The following FGB variants were observed in gnomAD, a reference collection of about 807,000 sequenced individuals.
FGB encodes beta-fibrinogen.
A neutral mutation model predicts 57.9 loss-of-function variants in FGB; 25 were observed. The observed-to-expected ratio is 0.43, with a 90% CI of 0.31 to 0.60. The LOEUF (loss-of-function observed/expected upper bound fraction) is 0.60. FGB is among the 20% of genes least tolerant of loss of function. The pLI is 0.08. For missense variants in FGB, 536 were observed against 598.4 expected (o/e 0.90, Z 1.09); for synonymous variants, 203 against 199.2 (o/e 1.02, Z -0.16).
In FGB at chr4:154,565,819, T is replaced by G; in HGVS notation, c.126T>G (p.Ser42Arg). 2 of 1,614,208 alleles carry G rather than the reference T, an allele frequency of 1.2e-6. No homozygotes were observed. The highest frequency in any genetic ancestry group is 1.7e-6 in the Non-Finnish European group (2 of 1,180,018). The change falls in exon 2 of 8, where the codon AGT (serine) becomes AGG (arginine). Residue 42 changes from serine (S) to arginine (R), a missense_variant. Ser to Arg is a moderately radical substitution (Grantham distance 110). Transcript: ENST00000302068. Reference sequence around the variant, plus strand: ...CTCATTCCTTGTAGGGTTTCTTCAGTGCCCGTGGTCATCGACCCCTTGACA... The same window carrying G: ...CTCATTCCTTGTAGGGTTTCTTCAGGGCCCGTGGTCATCGACCCCTTGACA... Reference protein sequence around the residue: ...GVNDNEEGFFSARGHRPLDKK... With the variant: ...GVNDNEEGFFRARGHRPLDKK...
intron 6 of FGB, 24 bp from the exon 7 acceptor site, chr4:154,569,490 G>C: frequency 6.2e-7 from 1 of 1,602,488 alleles, no homozygotes; most frequent in Non-Finnish European, 8.5e-7. Context: ...TTTTTGGTGA[G>C]ATTTTATTTT....
intron 5 of FGB, 86 bp from the exon 6 acceptor site, chr4:154,569,096 A>T: frequency 7.2e-7 from 1 of 1,397,068 alleles, no homozygotes; most frequent in Non-Finnish European, 1.0e-6. Context: ...ACTAAATGGA[A>T]TGGACAGGGG....
chr4:154,565,643 C>CAGTAA lies in FGB; in HGVS notation c.115-164_115-160dup, dbSNP rs886132043. 8.2e-5 allele frequency: 56 copies of CAGTAA among 679,802 alleles called. No homozygotes were observed. The African/African-American group carries it at 8.7e-4, about 11-fold the overall frequency. 42.1% of individuals were successfully genotyped at this position (679,802 alleles called of 1,614,324 possible). ...AGTTGGTCTTTCTACTGTTACTGAA[C>CAGTAA]AGTAAGCAACCTACAGATTCACTAT... On this transcript the variant is annotated intron_variant, in intron 1 of 7. Transcript: ENST00000302068.
At chr4:154,569,156 G>A (rs1730302510) in intron 5 of FGB, 26 bp from the exon 6 acceptor site, 1 of 1,613,444 alleles carries the variant, frequency 6.2e-7, no homozygotes, top group East Asian at 2.2e-5. Context: ...GTTAATATAT[G>A]CTCTTTTTGT....
At position 154,569,588 on chromosome 4, in the gene FGB, G is replaced by A; in HGVS notation, c.1033G>A (p.Glu345Lys). 6.2e-7 allele frequency: 1 copy of A among 1,614,140 alleles called. No individual in the cohort carries two copies. Among genetic ancestry groups the A allele is most frequent in the Non-Finnish European group, 8.5e-7 (1 of 1,180,006 alleles). The change falls in exon 7 of 8, where the codon GAG (glutamate) becomes AAG (lysine). Residue 345 changes from glutamate to lysine, a missense_variant. This residue lies in a region of FGB where 177 missense variants were observed against 193.7 expected (regional missense o/e 0.91). Coordinates refer to ENST00000302068, the MANE Select transcript of FGB (RefSeq NM_005141.5). Reference sequence around the variant, plus strand: ...ACCCACAGAACTTTTGATAGAAATGGAGGACTGGAAAGGAGACAAAGTAAA... The same window carrying A: ...ACCCACAGAACTTTTGATAGAAATGAAGGACTGGAAAGGAGACAAAGTAAA... ...MGPTELLIEM[E>K]DWKGDKVKAH...
rs778641259 is a variant in FGB at position 154,572,483 on chromosome 4, C to T, written c.*1833C>T. 1.3e-5 allele frequency among the ~76,000 whole-genome samples: 2 copies of T among 152,186 alleles called. No homozygotes were observed. Among genetic ancestry groups the T allele is most frequent in the Non-Finnish European group, 1.5e-5 (1 of 68,026 alleles). On this transcript the variant is annotated 3_prime_UTR_variant, in exon 8 of 8. Coordinates refer to ENST00000302068, the MANE Select transcript of FGB (RefSeq NM_005141.5). ...TTTCTACTTAGCACTCTCCACTTAG[C>T]AACCTCCATTTAACCCAAAATAAAA... is the stretch of plus-strand genomic sequence containing the variant.
At chr4:154,565,771 A>G in intron 1 of FGB, 37 bp from the exon 2 acceptor site, 1 of 1,592,450 alleles carries the variant, frequency 6.3e-7, no homozygotes, top group Non-Finnish European at 8.6e-7. Context: ...AATCTTCTAT[A>G]ACACTCTGTA....
At chr4:154,566,406 G>A (rs796637077) in intron 2 of FGB, 83 bp from the exon 3 acceptor site, 35 of 1,285,392 alleles carry the variant, frequency 2.7e-5, no homozygotes, top group Admixed American at 2.0e-4. Context: ...TAATCGTATC[G>A]CTGAATTTTC....
At chr4:154,563,951 A>G (rs1374699507) in intron 1 of FGB, among the ~76,000 whole-genome samples, 1 of 151,972 alleles carries the variant, frequency 6.6e-6, no homozygotes, top group Non-Finnish European at 1.5e-5. Flanking sequence ...GAAGTGATTC[A>G]TTTCGGATCA....
At position 154,567,809 on chromosome 4, in the gene FGB, T is replaced by C. The variant is rs144336893; in HGVS notation, c.707T>C (p.Val236Ala). Reference sequence around the variant, plus strand: ...ACTGTCAGTTGCAATATTCCTGTGGTGTCTGGCAAAGGTAACTGATTCATA... The same window carrying C: ...ACTGTCAGTTGCAATATTCCTGTGGCGTCTGGCAAAGGTAACTGATTCATA... ...PCTVSCNIPV[V>A]SGKECEEIIR... Residue 236 changes from valine (V) to alanine (A), a missense_variant, in exon 4 of 8, where the codon GTG becomes GCG. This residue lies in a region of FGB where 354 missense variants were observed against 383.4 expected (regional missense o/e 0.92). Coordinates refer to ENST00000302068, the MANE Select transcript of FGB (RefSeq NM_005141.5). 3 of 1,611,980 alleles carry C rather than the reference T, an allele frequency of 1.9e-6. No homozygotes were observed. Among genetic ancestry groups the C allele is most frequent in the African/African-American group, 1.3e-5 (1 of 74,894 alleles).
chr4:154,563,787 G>GAC (rs1730044267), intron 1 of FGB, among the ~76,000 whole-genome samples: 1 of 151,860 alleles, frequency 6.6e-6, no homozygotes. Context: ...ACTTATTGCT[G>GAC]TTAATTTGCA....
At position 154,569,591 on chromosome 4, in the gene FGB, G is replaced by T; in HGVS notation, c.1036G>T (p.Asp346Tyr). Residue 346 changes from aspartate to tyrosine, a missense_variant, in exon 7 of 8, where the codon GAC (aspartate) becomes TAC (tyrosine). Physicochemically the swap from Asp to Tyr is radical, Grantham distance 160. Around this residue, in one of 3 missense-constraint regions of FGB, gnomAD observed 177 missense variants for 193.7 expected, o/e 0.91. Transcript: ENST00000302068. ...CACAGAACTTTTGATAGAAATGGAGGACTGGAAAGGAGACAAAGTAAAGGC... is the reference window on the plus strand; with the variant it reads ...CACAGAACTTTTGATAGAAATGGAGTACTGGAAAGGAGACAAAGTAAAGGC... The part of the protein sequence containing the change: ...GPTELLIEME[D>Y]WKGDKVKAHY... 6.2e-7 allele frequency: 1 copy of T among 1,614,094 alleles called. No individual in the cohort carries two copies. The highest frequency in any genetic ancestry group is 8.5e-7 in the Non-Finnish European group (1 of 1,179,980).
At chr4:154,565,109 C>T in intron 1 of FGB, 1 of 412,444 alleles carries the variant, frequency 2.4e-6, no homozygotes, top group Non-Finnish European at 5.0e-6. Context: ...TCTGAGGGTA[C>T]CATATGCAAT....
rs751805410 is a variant in FGB at position 154,567,736 on chromosome 4, T to C, written c.634T>C (p.Leu212=). ...AAACCTGAGAAGCAAAATACAAAAG[T>C]TAGAATCTGATGTCTCAGCTCAAAT... ...LENLRSKIQK[L]ESDVSAQMEY... is the part of the protein sequence containing the mutation. The change falls in exon 4 of 8, where the codon TTA becomes CTA. Residue 212 remains leucine, a synonymous_variant. Coordinates refer to ENST00000302068, the MANE Select transcript of FGB (RefSeq NM_005141.5). The C allele has an allele frequency of 3.7e-6, 6 of 1,614,006 alleles. No homozygotes were observed. In the Admixed American group the frequency reaches 1.0e-4, roughly 27 times the overall value.
rs1578785468 is a variant in FGB, at chr4:154,569,722, G to A, written c.1167G>A (p.Gln389=). 6.2e-7 allele frequency: 1 copy of A among 1,614,128 alleles called. No homozygotes were observed. The highest frequency in any genetic ancestry group is 8.5e-7 in the Non-Finnish European group (1 of 1,180,016). Residue 389 remains glutamine (Q), a synonymous_variant, in exon 7 of 8, where the codon CAG becomes CAA. Transcript: ENST00000302068. ...ATGCCCTCATGGATGGAGCATCTCA[G>A]CTGATGGGAGAAAACAGGACCATGA... The part of the protein sequence containing the change: ...AGNALMDGAS[Q]LMGENRTMTI...
chr4:154,568,699 C>T (rs1196264972), intron 5 of FGB, among the ~76,000 whole-genome samples: 1 of 45,500 alleles, frequency 2.2e-5, no homozygotes, highest in Admixed American at 2.7e-4. Flanking sequence ...AAAAAAAATA[C>T]CAAAAAAAAA....
chr4:154,570,863 GTA>G lies in FGB; in HGVS notation c.*216_*217del, dbSNP rs1343991469. ...TCTTGCTCACCAAGAAGTAACAAAA[GTA>G]TAGTTTTGACAGAGTTGGTGTTCAT... On this transcript the variant is annotated 3_prime_UTR_variant, in exon 8 of 8. Coordinates refer to ENST00000302068, the MANE Select transcript of FGB (RefSeq NM_005141.5). The G allele has an allele frequency of 5.1e-6, 3 of 586,524 alleles. No individual in the cohort carries two copies. The highest frequency in any genetic ancestry group is 9.2e-6 in the Non-Finnish European group (3 of 327,086). 36.3% of individuals were successfully genotyped at this position (586,524 alleles called of 1,614,324 possible).
chr4:154,570,651 TC>T lies in FGB; in HGVS notation c.*5del. The T allele has an allele frequency of 6.2e-7, 1 of 1,609,140 alleles. No individual in the cohort carries two copies. The highest frequency in any genetic ancestry group is 8.5e-7 in the Non-Finnish European group (1 of 1,175,516). On this transcript the variant is annotated 3_prime_UTR_variant, in exon 8 of 8. Coordinates refer to ENST00000302068, the MANE Select transcript of FGB (RefSeq NM_005141.5). ...CAGGCCCTTCTTCCCACAGCAATAG[TC>T]CCCAATACGTAGATTTTTGCTCTTC... is the stretch of plus-strand genomic sequence containing the variant.
intron 1 of FGB, among the ~76,000 whole-genome samples, chr4:154,565,005 AAATTCG>A (rs1001938593): frequency 1.3e-5 from 2 of 152,206 alleles, no homozygotes; most frequent in Non-Finnish European, 2.9e-5. Flanking sequence ...ACTAAAAGTG[AAATTCG>A]AAGTGGAGAG....
Sources: gnomAD v4.1 joint callset for allele counts (sites outside exome capture counted in the v4.1 genomes callset) on GRCh38, gnomAD v4.1.1 for gene constraint, gnomAD v4.1.1 regional missense constraint, MANE v1.5 for transcripts, NCBI Gene and HGNC (gene_info 2026-07-23, HGNC 2026-07-21) for gene names.